Variants in TTC23 observed in about 807,000 individuals in gnomAD.
The protein encoded by TTC23 is tetratricopeptide repeat domain 23.
A neutral mutation model predicts 55.1 loss-of-function variants in TTC23; 58 were observed. The observed-to-expected ratio is 1.05, with a 90% CI of 0.85 to 1.31. The LOEUF (loss-of-function observed/expected upper bound fraction) is 1.31, where lower values mean the gene tolerates loss of function less well. Among genes scored for constraint, TTC23 ranks in the 50% most tolerant of loss-of-function variants. The pLI is 0.00. For missense variants in TTC23, 516 were observed against 534.4 expected (o/e 0.97, Z 0.34); for synonymous variants, 203 against 199.9 (o/e 1.02, Z -0.13).
At chr15:99,173,542 C>T (rs1354667896) in intron 10 of TTC23, among the ~76,000 whole-genome samples, 1 of 152,042 alleles carries the variant, frequency 6.6e-6, no homozygotes, top group African/African-American at 2.4e-5. Context: ...GCTATAATTG[C>T]GCCACTGCAT....
At chr15:99,235,322 A>G (rs2079227013) in intron 3 of TTC23, among the ~76,000 whole-genome samples, 1 of 150,184 alleles carries the variant, frequency 6.7e-6, no homozygotes, top group South Asian at 2.1e-4. Flanking sequence ...TAACCTTTTC[A>G]TTTTTTTCCC....
At chr15:99,173,433 A>T (rs1007944435) in intron 10 of TTC23, among the ~76,000 whole-genome samples, 3 of 152,142 alleles carry the variant, frequency 2.0e-5, no homozygotes, top group Non-Finnish European at 4.4e-5. Flanking sequence ...AGAATTTTTT[A>T]AATTAGCTGG....
At chr15:99,191,821 T>C (rs1329993079) in intron 9 of TTC23, among the ~76,000 whole-genome samples, 2 of 152,014 alleles carry the variant, frequency 1.3e-5, no homozygotes, top group Non-Finnish European at 2.9e-5. Flanking sequence ...TTGGAACAGT[T>C]TGGAGGGCTC....
chr15:99,144,650 A>T (rs1180908442), intron 12 of TTC23: 1 of 152,232 alleles, frequency 6.6e-6, no homozygotes, highest in African/African-American at 2.4e-5. Context: ...TTAAGTTACA[A>T]GGCTACGTGA....
chr15:99,240,484 C>A (rs2079684773), intron 3 of TTC23, among the ~76,000 whole-genome samples: 1 of 152,094 alleles, frequency 6.6e-6, no homozygotes, highest in South Asian at 2.1e-4. Context: ...TTCTGACTTC[C>A]TTTGAAAACT....
At chr15:99,197,306 G>T (rs1427220720) in intron 9 of TTC23, among the ~76,000 whole-genome samples, 1 of 151,952 alleles carries the variant, frequency 6.6e-6, no homozygotes, top group East Asian at 1.9e-4. Context: ...GTTTCACCAT[G>T]TTAGCCAGGA....
chr15:99,229,193 G>A (rs151242942), intron 4 of TTC23, among the ~76,000 whole-genome samples: 208 of 151,914 alleles, frequency 1.4e-3, no homozygotes, highest in Non-Finnish European at 2.4e-3. Flanking sequence ...AGCCCAAACA[G>A]CTCTCAATGA....
intron 3 of TTC23, among the ~76,000 whole-genome samples, chr15:99,235,822 C>T (rs2079276455): frequency 6.6e-6 from 1 of 152,238 alleles, no homozygotes; most frequent in Admixed American, 6.5e-5. Context: ...TCCCCCTACC[C>T]TCCACCTCTG....
intron 9 of TTC23, among the ~76,000 whole-genome samples, chr15:99,182,244 TCTCTCA>T (rs879360339): frequency 0.016 from 1,629 of 102,120 alleles, 10 homozygotes; most frequent in East Asian, 0.043. Context: ...TCTCTCTCTC[TCTCTCA>T]CACACACACA....
intron 8 of TTC23, among the ~76,000 whole-genome samples, chr15:99,210,183 T>C (rs1276379930): frequency 6.6e-6 from 1 of 152,108 alleles, no homozygotes; most frequent in African/African-American, 2.4e-5. Flanking sequence ...AAATCATTAT[T>C]CTCATATATT....
At chr15:99,148,100 T>C (rs2602022) in intron 12 of TTC23, among the ~76,000 whole-genome samples, 116,185 of 151,804 alleles carry the variant, frequency 0.77, 44,608 homozygotes, top group Middle Eastern at 0.83. Context: ...TGGTGGCTCA[T>C]GCCTGTAAGC....
intron 10 of TTC23, 24 bp from the exon 11 acceptor site, chr15:99,161,891 CTT>C: frequency 6.3e-7 from 1 of 1,578,012 alleles, no homozygotes; most frequent in Non-Finnish European, 8.6e-7. Flanking sequence ...TTTATCATAA[CTT>C]TGAAAACTGC....
At chr15:99,166,556 G>A (rs1310005233) in intron 10 of TTC23, among the ~76,000 whole-genome samples, 2 of 152,200 alleles carry the variant, frequency 1.3e-5, no homozygotes, top group African/African-American at 4.8e-5. Context: ...TGCGGAAGGA[G>A]TGTATTCCTT....
At chr15:99,212,465 C>T (rs1027360134) in intron 8 of TTC23, among the ~76,000 whole-genome samples, 3 of 152,148 alleles carry the variant, frequency 2.0e-5, no homozygotes, top group Admixed American at 2.0e-4. Flanking sequence ...CATAAGAATA[C>T]ATGATTTGGA....
intron 9 of TTC23, among the ~76,000 whole-genome samples, chr15:99,184,539 G>T (rs1357332857): frequency 6.6e-6 from 1 of 152,206 alleles, no homozygotes; most frequent in African/African-American, 2.4e-5. Flanking sequence ...CTTGCATGGG[G>T]TCTGTAGCCC....
chr15:99,210,076 T>C (rs1366756100), intron 8 of TTC23, among the ~76,000 whole-genome samples: 2 of 152,120 alleles, frequency 1.3e-5, no homozygotes, highest in African/African-American at 4.8e-5. Context: ...TATATATTAT[T>C]ATATGTTGTG....
intron 9 of TTC23, among the ~76,000 whole-genome samples, chr15:99,194,494 C>A (rs1349034939): frequency 6.6e-5 from 5 of 75,648 alleles, no homozygotes; most frequent in Non-Finnish European, 1.2e-4. Flanking sequence ...AAAGGCAATA[C>A]AATGAAGAAA....
intron 3 of TTC23, among the ~76,000 whole-genome samples, chr15:99,236,266 A>G (rs937648534): frequency 6.6e-6 from 1 of 152,180 alleles, no homozygotes. Context: ...GCAGAGCACA[A>G]GGGCTCCAAT....
At chr15:99,215,797 A>G (rs2077435607) in intron 8 of TTC23, among the ~76,000 whole-genome samples, 1 of 152,262 alleles carries the variant, frequency 6.6e-6, no homozygotes, top group East Asian at 1.9e-4. Flanking sequence ...AAAATGTATA[A>G]CTTGCAAATT....
Sources: gnomAD v4.1 joint callset for allele counts (sites outside exome capture counted in the v4.1 genomes callset) on GRCh38, gnomAD v4.1.1 for gene constraint, MANE v1.5 for transcripts, NCBI Gene and HGNC (gene_info 2026-07-23, HGNC 2026-07-21) for gene names.